The following TTC21B variants were observed in gnomAD, a reference collection of about 807,000 sequenced individuals.
TTC21B encodes the protein tetratricopeptide repeat domain 21B.
In TTC21B, 127 loss-of-function variants were observed where a neutral mutation model predicts 175.1. The ratio of observed to expected loss-of-function variants is 0.73; its 90% CI spans 0.63 to 0.84. The LOEUF is 0.84. Ranked by LOEUF, TTC21B falls within the 40% of genes least tolerant of loss-of-function variation. The probability of loss-of-function intolerance (pLI) is 0.00; values close to 1 mark genes in which losing one functional copy is unlikely to be tolerated. For missense variants in TTC21B, 1,561 were observed against 1,558.3 expected, an observed-to-expected ratio of 1.00 and a Z score of -0.03; for synonymous variants, 524 against 524.5, an observed-to-expected ratio of 1.00 and a Z score of 0.01.
intron 8 of TTC21B, among the ~76,000 whole-genome samples, chr2:165,931,089 AT>A (rs1328458172): frequency 6.6e-6 from 1 of 152,142 alleles, no homozygotes; most frequent in African/African-American, 2.4e-5. Context: ...TCGTTATAGC[AT>A]GGAGTTTTCT....
chr2:165,930,424 G>A, intron 8 of TTC21B, 60 bp from the exon 9 acceptor site: 1 of 1,227,686 alleles, frequency 8.1e-7, no homozygotes, highest in Non-Finnish European at 1.1e-6. Context: ...TGAGACTAAA[G>A]GATTATTTTT....
intron 26 of TTC21B, among the ~76,000 whole-genome samples, chr2:165,882,274 T>A (rs1160839838): frequency 2.0e-5 from 3 of 152,228 alleles, no homozygotes; most frequent in Non-Finnish European, 4.4e-5. Context: ...ATTGACTATT[T>A]GGTTAACCAA....
chr2:165,891,492 A>T (rs944276132), intron 22 of TTC21B, among the ~76,000 whole-genome samples: 2 of 152,158 alleles, frequency 1.3e-5, no homozygotes, highest in Non-Finnish European at 2.9e-5. Flanking sequence ...TGTAGCTAAC[A>T]TACCATATGC....
chr2:165,911,179 TG>T, intron 18 of TTC21B, 147 bp downstream of exon 18: 1 of 894,038 alleles, frequency 1.1e-6, no homozygotes. Context: ...TTTAGTAGAG[TG>T]GCATTCTGAT....
chr2:165,932,902 C>A, intron 7 of TTC21B, 71 bp downstream of exon 7: 1 of 1,344,818 alleles, frequency 7.4e-7, no homozygotes, highest in Non-Finnish European at 1.1e-6. Flanking sequence ...TGCACATGCA[C>A]ACATGGGTGT....
At chr2:165,911,670 T>TA (rs1559054032) in intron 17 of TTC21B, among the ~76,000 whole-genome samples, 24 of 110,558 alleles carry the variant, frequency 2.2e-4, no homozygotes, top group Middle Eastern at 4.7e-3. Context: ...ATATATATAT[T>TA]TTTTTTTTTT....
intron 19 of TTC21B, 43 bp downstream of exon 19, chr2:165,907,635 C>T: frequency 1.2e-5 from 16 of 1,300,136 alleles, no homozygotes; most frequent in Non-Finnish European, 1.8e-5. Flanking sequence ...CTTCTGCATC[C>T]ATCTCCTACC....
In TTC21B at chr2:165,883,783, C is replaced by G. The variant is rs778217139; in HGVS notation, c.3684+11G>C. ...AGGTCAATAATTATTTTTTACTCTT[C>G]AATCACCTACTCTATTATGACGCAG... On this transcript the variant is annotated intron_variant, in intron 26 of 28. Coordinates refer to ENST00000243344, the MANE Select transcript of TTC21B (RefSeq NM_024753.5). 2 of 1,604,274 alleles carry G rather than the reference C, an allele frequency of 1.2e-6. No individual in the cohort carries two copies. The highest frequency in any genetic ancestry group is 3.3e-5 in the Admixed American group (2 of 60,004).
At position 165,944,014 on chromosome 2, in the gene TTC21B, G is replaced by A. The variant is rs565319931; in HGVS notation, c.430-673C>T. On this transcript the variant is annotated intron_variant, in intron 4 of 28. Transcript: ENST00000243344. ...TGCTTTTTCTATTAAAAAAATCTAGGTTAACTGACAAATTTATAAACCTTT... is the reference window on the plus strand; with the variant it reads ...TGCTTTTTCTATTAAAAAAATCTAGATTAACTGACAAATTTATAAACCTTT... 4.6e-5 allele frequency among the ~76,000 whole-genome samples: 7 copies of A among 151,964 alleles called. No homozygotes were observed. In the South Asian group the frequency reaches 1.5e-3, roughly 32 times the overall value.
intron 22 of TTC21B, among the ~76,000 whole-genome samples, chr2:165,892,790 G>A (rs1386888404): frequency 6.6e-6 from 1 of 152,114 alleles, no homozygotes; most frequent in African/African-American, 2.4e-5. Flanking sequence ...GATGGATAAC[G>A]GTGATGACTT....
intron 26 of TTC21B, 72 bp downstream of exon 26, chr2:165,883,722 A>G: frequency 8.4e-7 from 1 of 1,197,554 alleles, no homozygotes; most frequent in Non-Finnish European, 1.2e-6. Flanking sequence ...ATGGACTAAC[A>G]CTCAACAATA....
intron 22 of TTC21B, among the ~76,000 whole-genome samples, chr2:165,896,895 G>GT (rs1247890667): frequency 6.6e-6 from 1 of 152,088 alleles, no homozygotes; most frequent in Admixed American, 6.6e-5. Flanking sequence ...TTGTTTGTTT[G>GT]TTTGTTTTGT....
In TTC21B at chr2:165,890,625, T is replaced by A; in HGVS notation, c.3117A>T (p.Pro1039=). The change falls in exon 24 of 29, where the codon CCA becomes CCT. Residue 1039 remains proline (P), a synonymous_variant. Coordinates refer to ENST00000243344, the MANE Select transcript of TTC21B (RefSeq NM_024753.5). ...KGLYLWYTGE[P]NDALRHFNKA... is the part of the protein sequence containing the mutation. Reference sequence around the variant, plus strand: ...TATTAAAATGTCGAAGGGCATCATTTGGTTCTCCAGTGTACCTTGTTAGAT... The same window carrying A: ...TATTAAAATGTCGAAGGGCATCATTAGGTTCTCCAGTGTACCTTGTTAGAT... The A allele has an allele frequency of 6.2e-7, 1 of 1,613,792 alleles. No individual in the cohort carries two copies. Among genetic ancestry groups the A allele is most frequent in the Non-Finnish European group, 8.5e-7 (1 of 1,179,764 alleles).
chr2:165,937,693 T>C (rs1004878046), intron 6 of TTC21B, among the ~76,000 whole-genome samples: 1 of 151,208 alleles, frequency 6.6e-6, no homozygotes, highest in Non-Finnish European at 1.5e-5. Flanking sequence ...GAAAAACAAG[T>C]TTAAAAGTAC....
chr2:165,943,969 A>C (rs1452433748), intron 4 of TTC21B, among the ~76,000 whole-genome samples: 2 of 152,156 alleles, frequency 1.3e-5, no homozygotes, highest in African/African-American at 4.8e-5. Flanking sequence ...CTTTAAGGTC[A>C]AATAAAAAAC....
intron 19 of TTC21B, among the ~76,000 whole-genome samples, chr2:165,906,213 A>G (rs1404852208): frequency 6.6e-6 from 1 of 151,202 alleles, no homozygotes; most frequent in Non-Finnish European, 1.5e-5. Context: ...GAAAATAACA[A>G]AAGCTCGAAA....
intron 19 of TTC21B, among the ~76,000 whole-genome samples, chr2:165,903,192 A>G (rs1007886644): frequency 6.6e-6 from 1 of 152,244 alleles, no homozygotes; most frequent in Non-Finnish European, 1.5e-5. Context: ...AGTACATAAT[A>G]GAAAATCTAA....
chr2:165,948,494 G>A (rs1261172878), intron 3 of TTC21B: 1 of 152,068 alleles, frequency 6.6e-6, no homozygotes, highest in Admixed American at 6.5e-5. Flanking sequence ...GTCATACTTG[G>A]CTTTAGAAAA....
At chr2:165,927,338 A>AAT (rs1454808794) in intron 11 of TTC21B, among the ~76,000 whole-genome samples, 1 of 68,668 alleles carries the variant, frequency 1.5e-5, no homozygotes, top group Non-Finnish European at 3.5e-5. Flanking sequence ...TATAATATAT[A>AAT]ATATATATAT....
Sources: gnomAD v4.1 joint callset for allele counts (sites outside exome capture counted in the v4.1 genomes callset) on GRCh38, gnomAD v4.1.1 for gene constraint, MANE v1.5 for transcripts, NCBI Gene and HGNC (gene_info 2026-07-23, HGNC 2026-07-21) for gene names.